MACROD2: variants seen among roughly 807,000 people sequenced by gnomAD.
MACROD2 encodes mono-ADP ribosylhydrolase 2.
A neutral mutation model predicts 70.4 loss-of-function variants in MACROD2; 36 were observed. The observed-to-expected ratio is 0.51, with a 90% CI of 0.39 to 0.68. MACROD2 has a LOEUF of 0.68. Among genes scored for constraint, MACROD2 ranks in the 30% least tolerant of loss-of-function variants. The pLI, the probability that MACROD2 is intolerant of heterozygous loss-of-function variation, is 0.00. For synonymous variants in MACROD2, 172 were observed against 178.8 expected (o/e 0.96, Z 0.30); for missense variants, 496 against 538.4 (o/e 0.92, Z 0.78).
chr20:14,304,969 T>G (rs6079387), intron 3 of MACROD2, among the ~76,000 whole-genome samples: 58,887 of 151,954 alleles, frequency 0.39, 12,822 homozygotes, highest in Non-Finnish European at 0.49. Flanking sequence ...ATTTTCAGTC[T>G]TGACTATATA....
chr20:15,477,484 C>T (rs78749384), intron 7 of MACROD2, among the ~76,000 whole-genome samples: 3,068 of 151,746 alleles, frequency 0.02, 103 homozygotes, highest in African/African-American at 0.069. Context: ...TAAAATTTGA[C>T]GGGTATGTGC....
intron 4 of MACROD2, among the ~76,000 whole-genome samples, chr20:14,641,502 G>A (rs1474132590): frequency 6.6e-6 from 1 of 152,178 alleles, no homozygotes; most frequent in Non-Finnish European, 1.5e-5. Flanking sequence ...ATCCATTGGA[G>A]TAATCACTAT....
chr20:14,074,919 T>C (rs1385160966), intron 2 of MACROD2, among the ~76,000 whole-genome samples: 1 of 152,224 alleles, frequency 6.6e-6, no homozygotes, highest in East Asian at 1.9e-4. Context: ...TACTCCATCC[T>C]TCCTGGGAAG....
intron 4 of MACROD2, among the ~76,000 whole-genome samples, chr20:14,568,323 G>T (rs938881234): frequency 6.6e-6 from 1 of 151,934 alleles, no homozygotes; most frequent in East Asian, 1.9e-4. Context: ...ATTATTGCCC[G>T]GGTCTTTACA....
chr20:14,975,882 G>T (rs2074734936), intron 5 of MACROD2, among the ~76,000 whole-genome samples: 1 of 152,168 alleles, frequency 6.6e-6, no homozygotes, highest in Non-Finnish European at 1.5e-5. Flanking sequence ...AGGAGGGAAG[G>T]TGAAAGTAAG....
At chr20:14,732,538 A>G (rs972811185) in intron 5 of MACROD2, among the ~76,000 whole-genome samples, 3 of 152,150 alleles carry the variant, frequency 2.0e-5, no homozygotes, top group African/African-American at 4.8e-5. Context: ...TTCTTATGCA[A>G]AGTTGACAAT....
chr20:16,012,421 C>A (rs1240147172), intron 15 of MACROD2, among the ~76,000 whole-genome samples: 1 of 152,150 alleles, frequency 6.6e-6, no homozygotes, highest in Non-Finnish European at 1.5e-5. Flanking sequence ...TACTCCCGAC[C>A]AATTAAGTCT....
intron 3 of MACROD2, among the ~76,000 whole-genome samples, chr20:14,447,976 A>ATGTGTGTGTGTGTG (rs11087090): frequency 0.02 from 2,905 of 143,158 alleles, 46 homozygotes; most frequent in Non-Finnish European, 0.03. Flanking sequence ...ACCCATGAAA[A>ATGTGTGTGTGTGTG]TGTGTGTGTG....
At chr20:14,123,038 A>G (rs925589084) in intron 3 of MACROD2, among the ~76,000 whole-genome samples, 1 of 152,170 alleles carries the variant, frequency 6.6e-6, no homozygotes, top group Non-Finnish European at 1.5e-5. Flanking sequence ...GTTCTGTAGT[A>G]TGGTACCACA....
At chr20:14,053,060 G>A (rs1330049364) in intron 2 of MACROD2, 1 of 144,286 alleles carries the variant, frequency 6.9e-6, no homozygotes, top group Non-Finnish European at 1.5e-5. Flanking sequence ...AGAGAATTTT[G>A]TATTATTTTC....
chr20:15,733,437 G>A (rs79183900), intron 8 of MACROD2, among the ~76,000 whole-genome samples: 7,065 of 152,086 alleles, frequency 0.046, 233 homozygotes, highest in East Asian at 0.14. Context: ...TAAAGTAGAA[G>A]CTTAGGTAGC....
At chr20:15,916,019 GC>G (rs2065309350) in intron 10 of MACROD2, among the ~76,000 whole-genome samples, 1 of 152,132 alleles carries the variant, frequency 6.6e-6, no homozygotes, top group Admixed American at 6.6e-5. Flanking sequence ...AAAAGAGGAT[GC>G]AGAAAAGAAA....
At chr20:15,815,036 T>C (rs1196952842) in intron 8 of MACROD2, among the ~76,000 whole-genome samples, 1 of 152,140 alleles carries the variant, frequency 6.6e-6, no homozygotes, top group Non-Finnish European at 1.5e-5. Context: ...GCAGAGGGGG[T>C]ACTTTATCCA....
At chr20:14,693,940 C>G (rs2071091082) in intron 5 of MACROD2, among the ~76,000 whole-genome samples, 1 of 152,224 alleles carries the variant, frequency 6.6e-6, no homozygotes. Context: ...ACTTGATTTG[C>G]TTGTTCAGCC....
intron 5 of MACROD2, among the ~76,000 whole-genome samples, chr20:15,073,267 T>A (rs2075632621): frequency 6.6e-6 from 1 of 152,156 alleles, no homozygotes; most frequent in Non-Finnish European, 1.5e-5. Flanking sequence ...TGAATATGTC[T>A]CCAACTACTA....
At chr20:15,403,198 C>G (rs1277834965) in intron 6 of MACROD2, among the ~76,000 whole-genome samples, 1 of 152,144 alleles carries the variant, frequency 6.6e-6, no homozygotes, top group African/African-American at 2.4e-5. Context: ...AAACTCCTGA[C>G]CTCAGGTGAT....
chr20:14,803,657 T>C (rs987912582), intron 5 of MACROD2, among the ~76,000 whole-genome samples: 27 of 151,894 alleles, frequency 1.8e-4, no homozygotes, highest in African/African-American at 6.1e-4. Context: ...ATTTTTATAT[T>C]TTTAGTAGAG....
intron 5 of MACROD2, among the ~76,000 whole-genome samples, chr20:15,184,143 G>A (rs922190959): frequency 2.0e-5 from 3 of 152,160 alleles, no homozygotes; most frequent in Non-Finnish European, 4.4e-5. Context: ...ATACTGTGCG[G>A]ACCAACACTG....
At chr20:15,016,297 G>A (rs555761143) in intron 5 of MACROD2, among the ~76,000 whole-genome samples, 9 of 152,142 alleles carry the variant, frequency 5.9e-5, no homozygotes, top group Middle Eastern at 3.4e-3. Context: ...ATCACTTCTC[G>A]GTCTAGATGA....
Sources: gnomAD v4.1 joint callset for allele counts (sites outside exome capture counted in the v4.1 genomes callset) on GRCh38, gnomAD v4.1.1 for gene constraint, MANE v1.5 for transcripts, NCBI Gene and HGNC (gene_info 2026-07-23, HGNC 2026-07-21) for gene names.